FRMD6: variants seen among roughly 807,000 people sequenced by gnomAD.
FRMD6 encodes the protein FERM domain containing 6.
A neutral mutation model predicts 73.2 loss-of-function variants in FRMD6; 37 were observed. The ratio of observed to expected loss-of-function variants is 0.51; its 90% CI spans 0.39 to 0.66. FRMD6 has a LOEUF of 0.66. Among genes scored for constraint, FRMD6 ranks in the 30% least tolerant of loss-of-function variants. The pLI, the probability that FRMD6 is intolerant of heterozygous loss-of-function variation, is 0.00. For synonymous variants in FRMD6, 273 were observed against 282.2 expected, an observed-to-expected ratio of 0.97 and a Z score of 0.33; for missense variants, 714 against 780.5, an observed-to-expected ratio of 0.91 and a Z score of 1.02.
intron 1 of FRMD6, among the ~76,000 whole-genome samples, chr14:51,497,833 T>C (rs4901129): frequency 0.39 from 59,999 of 152,008 alleles, 12,126 homozygotes; most frequent in East Asian, 0.56. Flanking sequence ...AGCTCTATAT[T>C]ACCCAGAGAT....
At chr14:51,420,708 T>C in the FRMD6 span, among the ~76,000 whole-genome samples, 1 of 152,206 alleles carries the variant, frequency 6.6e-6, no homozygotes, top group Non-Finnish European at 1.5e-5. Flanking sequence ...ATCATAGTAA[T>C]CTAGATATGA....
the FRMD6 span, among the ~76,000 whole-genome samples, chr14:51,465,533 A>G: frequency 6.6e-6 from 1 of 152,264 alleles, no homozygotes; most frequent in Non-Finnish European, 1.5e-5. Context: ...TAGAATTTAA[A>G]TAAGCATAGT....
At chr14:51,710,746 G>C (rs1053390325) in intron 7 of FRMD6, among the ~76,000 whole-genome samples, 3 of 152,060 alleles carry the variant, frequency 2.0e-5, no homozygotes, top group African/African-American at 7.2e-5. Flanking sequence ...TATTTACTTA[G>C]TAATTTCATT....
intron 5 of FRMD6, 37 bp downstream of exon 5, chr14:51,702,625 T>C (rs758820405): frequency 1.9e-5 from 28 of 1,506,328 alleles, no homozygotes; most frequent in African/African-American, 4.2e-5. Flanking sequence ...CGCTTTTTTT[T>C]CCCCCATAGC....
chr14:51,468,939 T>TTTTG, the FRMD6 span, among the ~76,000 whole-genome samples: 86 of 152,218 alleles, frequency 5.6e-4, no homozygotes, highest in African/African-American at 1.6e-3. Context: ...TGTTTGTTTG[T>TTTTG]TTTGTTTGTT....
At chr14:51,542,002 A>C (rs1191377292) in intron 1 of FRMD6, among the ~76,000 whole-genome samples, 4 of 152,068 alleles carry the variant, frequency 2.6e-5, no homozygotes, top group Non-Finnish European at 5.9e-5. Flanking sequence ...AATGTTTCTC[A>C]GAGTTTGTTC....
intron 1 of FRMD6, among the ~76,000 whole-genome samples, chr14:51,548,450 G>T (rs2139417232): frequency 6.6e-6 from 1 of 152,270 alleles, no homozygotes; most frequent in Non-Finnish European, 1.5e-5. Flanking sequence ...CAGTAAACAT[G>T]ATCATGATGG....
chr14:51,608,448 T>C (rs939754970), intron 2 of FRMD6, among the ~76,000 whole-genome samples: 1 of 152,142 alleles, frequency 6.6e-6, no homozygotes, highest in Non-Finnish European at 1.5e-5. Flanking sequence ...AGAGAATGCA[T>C]GGAAAGTCCT....
chr14:51,485,071 A>G (rs114502962), upstream of FRMD6, among the ~76,000 whole-genome samples: 1,226 of 152,318 alleles, frequency 8.0e-3, 15 homozygotes, highest in African/African-American at 0.028. Context: ...ATTGAAGTTA[A>G]TGTGCTTTCT....
chr14:51,434,699 T>C, the FRMD6 span, among the ~76,000 whole-genome samples: 1 of 152,130 alleles, frequency 6.6e-6, no homozygotes, highest in East Asian at 1.9e-4. Context: ...CTAAAATTAA[T>C]GAAGAAATAA....
intron 2 of FRMD6, among the ~76,000 whole-genome samples, chr14:51,610,663 G>T (rs576092786): frequency 7.9e-5 from 12 of 152,142 alleles, no homozygotes; most frequent in Non-Finnish European, 1.8e-4. Flanking sequence ...CTCTACATAA[G>T]TCAAAATATT....
intron 1 of FRMD6, among the ~76,000 whole-genome samples, chr14:51,507,132 A>ACACACACT (rs1884015917): frequency 7.5e-6 from 1 of 134,060 alleles, no homozygotes; most frequent in Non-Finnish European, 1.6e-5. Context: ...ACACACACAC[A>ACACACACT]CACACTGCAA....
At chr14:51,443,750 T>C in the FRMD6 span, among the ~76,000 whole-genome samples, 3 of 152,330 alleles carry the variant, frequency 2.0e-5, no homozygotes, top group East Asian at 5.8e-4. Context: ...CAAGTCCTTC[T>C]GAAGTAGTCT....
At chr14:51,588,774 G>A (rs1175164251) in intron 2 of FRMD6, among the ~76,000 whole-genome samples, 1 of 152,172 alleles carries the variant, frequency 6.6e-6, no homozygotes, top group Admixed American at 6.5e-5. Context: ...AAAGAACAAA[G>A]AGAGGCTCAC....
chr14:51,437,088 A>C, the FRMD6 span: 1 of 356,288 alleles, frequency 2.8e-6, no homozygotes, highest in Non-Finnish European at 5.3e-6. Context: ...TGCACCCATC[A>C]ACTCATCATT....
At chr14:51,437,700 T>G in the FRMD6 span, among the ~76,000 whole-genome samples, 1 of 152,338 alleles carries the variant, frequency 6.6e-6, no homozygotes, top group East Asian at 1.9e-4. Flanking sequence ...CGCCCTGTTC[T>G]TGAGATCTCT....
In FRMD6 at chr14:51,593,859, A is replaced by G. The variant is rs1037815846; in HGVS notation, c.-147+23449A>G. ...CATATATCTATATATACATACACACACACACATATATATGTATATATATAT... is the reference window on the plus strand; with the variant it reads ...CATATATCTATATATACATACACACGCACACATATATATGTATATATATAT... On this transcript the variant is annotated intron_variant, in intron 2 of 14. Transcript: ENST00000356218. 2.6e-5 allele frequency among the ~76,000 whole-genome samples: 4 copies of G among 152,172 alleles called. No homozygotes were observed. In the South Asian group the frequency reaches 8.3e-4, roughly 32 times the overall value.
Position 51,704,539 on chromosome 14 carries a change from A to G in FRMD6, c.372-210A>G, listed in dbSNP as rs1896512492. ...AGGAAACGTTATTTTTATTGTCTGG[A>G]TAGTCTGATTTGGGGTTCTGACCCC... On this transcript the variant is annotated intron_variant, in intron 5 of 13. Transcript: ENST00000344768. 5.8e-6 allele frequency: 3 copies of G among 517,576 alleles called. No homozygotes were observed. In the Admixed American group the frequency reaches 9.8e-5, roughly 17 times the overall value. The allele number at this position is 517,576 out of a possible 1,614,324, so 32.1% of individuals were successfully genotyped here.
chr14:51,503,817 G>A (rs1035391039), intron 1 of FRMD6, among the ~76,000 whole-genome samples: 13 of 149,844 alleles, frequency 8.7e-5, no homozygotes, highest in South Asian at 6.4e-4. Context: ...TTCTTTGTAC[G>A]TTTGGTAGAA....
Sources: allele counts gnomAD v4.1 joint callset (sites outside exome capture counted in the v4.1 genomes callset), GRCh38; gene constraint gnomAD v4.1.1; transcripts MANE v1.5; gene names NCBI Gene and HGNC (gene_info 2026-07-23, HGNC 2026-07-21).